Variants in ZNF571 observed in about 807,000 individuals in gnomAD.
ZNF571 encodes the protein zinc finger protein 571.
Under a neutral mutation model 7.7 loss-of-function variants are expected in ZNF571, and 4 were observed. The ratio of observed to expected loss-of-function variants is 0.52; its 90% CI spans 0.25 to 1.18. The LOEUF (loss-of-function observed/expected upper bound fraction) is 1.18, where lower values mean the gene tolerates loss of function less well. ZNF571 is among the 50% of genes most tolerant of loss of function. ZNF571 has a pLI of 0.14. For missense variants in ZNF571, 704 were observed against 726.9 expected, an observed-to-expected ratio of 0.97 and a Z score of 0.36; for synonymous variants, 251 against 232.4, an observed-to-expected ratio of 1.08 and a Z score of -0.73.
intron 3 of ZNF571, among the ~76,000 whole-genome samples, chr19:37,568,253 C>T (rs1029734454): frequency 6.6e-6 from 1 of 151,948 alleles, no homozygotes; most frequent in Admixed American, 6.6e-5. Flanking sequence ...AAATAAGCCT[C>T]CAAAACTTGA....
At chr19:37,591,409 A>G (rs2043863906) in intron 1 of ZNF571, among the ~76,000 whole-genome samples, 2 of 152,262 alleles carry the variant, frequency 1.3e-5, no homozygotes, top group Admixed American at 6.5e-5. Context: ...AATGATCACA[A>G]TAGTTCGAAA....
chr19:37,593,406 T>C (rs2043924192), intron 1 of ZNF571, among the ~76,000 whole-genome samples: 1 of 152,136 alleles, frequency 6.6e-6, no homozygotes, highest in Admixed American at 6.5e-5. Flanking sequence ...TTATTTTTCA[T>C]CAAAACCTTA....
chr19:37,571,267 G>A (rs2043041353), intron 3 of ZNF571, among the ~76,000 whole-genome samples: 1 of 152,062 alleles, frequency 6.6e-6, no homozygotes, highest in East Asian at 1.9e-4. Flanking sequence ...GGCTGAGGTG[G>A]GCAGATCACC....
rs534120860 is a variant in ZNF571 at position 37,564,885 on chromosome 19, A to G, written c.1543T>C (p.Ser515Pro). Reference protein sequence around the residue: ...KECDKAFIYGSQLSEHQRIHR... With the variant: ...KECDKAFIYGPQLSEHQRIHR... ...ATTCTCTGATGTTCACTAAGTTGTG[A>G]GCCATAAATAAAGGCCTTGTCACAT... The change falls in exon 4 of 4, where the codon TCA becomes CCA. Residue 515 changes from serine (S) to proline (P), a missense_variant. Ser to Pro is a moderately conservative substitution (Grantham distance 74). Coordinates refer to ENST00000451802, the MANE Select transcript of ZNF571 (RefSeq NM_016536.5). The G allele has an allele frequency of 1.7e-5, 28 of 1,613,870 alleles. No individual in the cohort carries two copies. The highest frequency in any genetic ancestry group is 2.3e-5 in the Non-Finnish European group (27 of 1,179,962).
chr19:37,584,121 GA>G, intron 2 of ZNF571, 24 bp from the exon 3 acceptor site: 1 of 1,613,640 alleles, frequency 6.2e-7, no homozygotes, highest in Non-Finnish European at 8.5e-7. Flanking sequence ...TCCATTACAG[GA>G]TGATTCTACA....
intron 3 of ZNF571, among the ~76,000 whole-genome samples, chr19:37,572,918 T>C (rs1297219354): frequency 3.3e-5 from 2 of 59,834 alleles, no homozygotes. Context: ...AAACTGACAT[T>C]GAATGACTTT....
intron 3 of ZNF571, chr19:37,575,680 G>C (rs1230918986): frequency 1.8e-4 from 28 of 152,138 alleles, no homozygotes; most frequent in Admixed American, 1.8e-3. Context: ...AGACATCTTG[G>C]TGGACTAATG....
rs187451205 is a variant in ZNF571, at chr19:37,578,304, A to G, written c.136+5667T>C. On this transcript the variant is annotated intron_variant, in intron 3 of 3. Coordinates refer to ENST00000451802, the MANE Select transcript of ZNF571 (RefSeq NM_016536.5). ...GAACAGAGAGACAAGCCAGGCAGCCACCTTCCTGGGACTGGCATGGAGTGG... is the reference window on the plus strand; with the variant it reads ...GAACAGAGAGACAAGCCAGGCAGCCGCCTTCCTGGGACTGGCATGGAGTGG... 8.5e-5 allele frequency among the ~76,000 whole-genome samples: 13 copies of G among 152,224 alleles called. No homozygotes were observed. The East Asian group carries it at 2.5e-3, about 30-fold the overall frequency.
intron 3 of ZNF571, among the ~76,000 whole-genome samples, chr19:37,582,981 T>C (rs1442164758): frequency 6.6e-6 from 1 of 152,190 alleles, no homozygotes; most frequent in African/African-American, 2.4e-5. Context: ...TCTCACTGCT[T>C]GCAACAACCA....
At chr19:37,568,327 A>T (rs1600467816) in intron 3 of ZNF571, among the ~76,000 whole-genome samples, 1 of 113,994 alleles carries the variant, frequency 8.8e-6, no homozygotes, top group African/African-American at 3.6e-5. Flanking sequence ...ACCCCCCCCC[A>T]CTTGCCATAT....
Position 37,565,325 on chromosome 19 carries a change from C to T in ZNF571, c.1103G>A (p.Cys368Tyr), listed in dbSNP as rs929507835. 6.2e-7 allele frequency: 1 copy of T among 1,612,244 alleles called. No homozygotes were observed. Among genetic ancestry groups the T allele is most frequent in the Non-Finnish European group, 8.5e-7 (1 of 1,179,186 alleles). ...TGAGCCACGAAAAAAGGTCTTCCCG[C>T]ATTCTTTACATTCATAGGGTTTCTC... is the stretch of plus-strand genomic sequence containing the variant. ...TGEKPYECKE[C>Y]GKTFFRGSQL... Residue 368 changes from cysteine to tyrosine, a missense_variant, in exon 4 of 4, where the codon TGC becomes TAC. By Grantham distance (194) the Cys-to-Tyr change is radical. Coordinates refer to ENST00000451802, the MANE Select transcript of ZNF571 (RefSeq NM_016536.5).
In ZNF571 at chr19:37,564,972, C is replaced by T. The variant is rs2042796098; in HGVS notation, c.1456G>A (p.Ala486Thr). 6.2e-7 allele frequency: 1 copy of T among 1,613,282 alleles called. No individual in the cohort carries two copies. Among genetic ancestry groups the T allele is most frequent in the African/African-American group, 1.3e-5 (1 of 74,710 alleles). Residue 486 changes from alanine to threonine, a missense_variant, in exon 4 of 4, where the codon GCT becomes ACT. Transcript: ENST00000451802. ...CTTTGATGATATGTAAGTTGTGTAG[C>T]ACGTACAAAGGTCTTCCCACATTCC... ...CKECGKTFVR[A>T]TQLTYHQRIH...
chr19:37,589,036 C>CA (rs1568360657), intron 1 of ZNF571, among the ~76,000 whole-genome samples: 2 of 151,882 alleles, frequency 1.3e-5, no homozygotes, highest in Non-Finnish European at 2.9e-5. Flanking sequence ...CCCATCTCTA[C>CA]TAAAAATACA....
chr19:37,592,454 G>T (rs1241352334), intron 1 of ZNF571, among the ~76,000 whole-genome samples: 2 of 152,062 alleles, frequency 1.3e-5, no homozygotes, highest in Non-Finnish European at 2.9e-5. Flanking sequence ...GCCCTTTGGA[G>T]GACCACAGAT....
chr19:37,568,319 C>T (rs942532848), intron 3 of ZNF571, among the ~76,000 whole-genome samples: 4 of 148,044 alleles, frequency 2.7e-5, no homozygotes, highest in African/African-American at 5.0e-5. Flanking sequence ...AAGCAACTAC[C>T]CCCCCCCACT....
intron 1 of ZNF571, among the ~76,000 whole-genome samples, chr19:37,589,318 T>G (rs1367141474): frequency 6.6e-6 from 1 of 151,894 alleles, no homozygotes; most frequent in East Asian, 1.9e-4. Context: ...GTTCCTACAT[T>G]TAAAAATTGC....
At chr19:37,579,429 C>G (rs965863704) in intron 3 of ZNF571, among the ~76,000 whole-genome samples, 2 of 152,184 alleles carry the variant, frequency 1.3e-5, no homozygotes, top group Admixed American at 6.5e-5. Flanking sequence ...TGGAGGAAGC[C>G]CCTTCTACAG....
Position 37,569,264 on chromosome 19 carries a change from G to A in ZNF571, c.137-2973C>T, listed in dbSNP as rs1030525209. Among the ~76,000 whole-genome samples the A allele has an allele frequency of 1.3e-5, 2 of 151,846 alleles. No homozygotes were observed. The highest frequency in any genetic ancestry group is 2.1e-4 in the South Asian group (1 of 4,818). The stretch of plus-strand genomic sequence containing the variant: ...CACTGCGCCTGGCCCCAAAGCATCC[G>A]GAACCACAACAAAAACCTACTCAGT... On this transcript the variant is annotated intron_variant, in intron 3 of 3. Transcript: ENST00000451802. This position sits in a 1 kb window ranked among gnomAD's most constrained non-coding sequence, Gnocchi z 4.4.
At position 37,566,282 on chromosome 19, in the gene ZNF571, G is replaced by T; in HGVS notation, c.146C>A (p.Ser49Tyr). Residue 49 changes from serine (S) to tyrosine (Y), a missense_variant, in exon 4 of 4, where the codon TCC (serine) becomes TAC (tyrosine). Ser to Tyr is a moderately radical substitution (Grantham distance 144, BLOSUM62 -2). Coordinates refer to ENST00000451802, the MANE Select transcript of ZNF571 (RefSeq NM_016536.5). ...AGATAACTTTTTGGTCACACAACTG[G>T]ATTCCAAGTCTGTAGAATAAAAAGA... ...YSNLISLDLE[S>Y]SCVTKKLSPE... 6.2e-7 allele frequency: 1 copy of T among 1,608,418 alleles called. No homozygotes were observed. Among genetic ancestry groups the T allele is most frequent in the Non-Finnish European group, 8.5e-7 (1 of 1,177,270 alleles).
Sources: gnomAD v4.1 joint callset for allele counts (sites outside exome capture counted in the v4.1 genomes callset) on GRCh38, gnomAD v4.1.1 for gene constraint, Gnocchi (gnomAD v3.1) non-coding constraint, MANE v1.5 for transcripts, NCBI Gene and HGNC (gene_info 2026-07-23, HGNC 2026-07-21) for gene names.